CSE1L: variants seen among roughly 807,000 people sequenced by gnomAD.
The protein encoded by CSE1L is chromosome segregation 1 like, also known as exportin-2.
In CSE1L, 24 loss-of-function variants were observed where a neutral mutation model predicts 120.4. The observed-to-expected ratio is 0.20, with a 90% CI of 0.14 to 0.28. CSE1L has a LOEUF of 0.28. Among genes scored for constraint, CSE1L ranks in the 10% least tolerant of loss-of-function variants. The pLI is 1.00. For missense variants in CSE1L, 830 were observed against 1,145.2 expected, an observed-to-expected ratio of 0.72 and a Z score of 3.97; for synonymous variants, 402 against 398.3, an observed-to-expected ratio of 1.01 and a Z score of -0.11.
chr20:49,071,871 G>T (rs545629925), intron 8 of CSE1L, among the ~76,000 whole-genome samples: 19 of 151,988 alleles, frequency 1.3e-4, no homozygotes, highest in African/African-American at 4.6e-4. Context: ...GGGAGGCTGA[G>T]GCAGGAGAAT....
chr20:49,084,760 T>C (rs532880135), intron 15 of CSE1L, among the ~76,000 whole-genome samples: 132 of 152,312 alleles, frequency 8.7e-4, no homozygotes, highest in Non-Finnish European at 1.2e-3. Context: ...AACAGTATTA[T>C]TTCTTGAAAT....
intron 1 of CSE1L, among the ~76,000 whole-genome samples, chr20:49,056,250 T>C (rs772764908): frequency 6.6e-6 from 1 of 151,990 alleles, no homozygotes; most frequent in South Asian, 2.1e-4. Context: ...GGATTACAGG[T>C]GCATGCCACC....
chr20:49,060,153 C>G (rs2091840361), intron 2 of CSE1L, among the ~76,000 whole-genome samples: 1 of 147,650 alleles, frequency 6.8e-6, no homozygotes, highest in African/African-American at 2.5e-5. Flanking sequence ...TCAGTGCACT[C>G]TAGCCTGGGT....
intron 12 of CSE1L, among the ~76,000 whole-genome samples, chr20:49,076,508 G>A (rs2123719855): frequency 7.5e-6 from 1 of 132,702 alleles, no homozygotes; most frequent in African/African-American, 2.8e-5. Flanking sequence ...GTTTTGAAGT[G>A]TCCCTCTCTC....
At chr20:49,066,861 T>C (rs915774241) in intron 5 of CSE1L, among the ~76,000 whole-genome samples, 2 of 151,512 alleles carry the variant, frequency 1.3e-5, no homozygotes, top group Non-Finnish European at 2.9e-5. Context: ...AAACCCCGTC[T>C]CTACTAAAAA....
chr20:49,075,373 T>G lies in CSE1L; in HGVS notation c.1188T>G (p.Phe396Leu). ...ATCTGGTACGAGGATTATGCAAGTT[T>G]TTTGAGGGACCTGTGACAGGAATCT... ...ACDLVRGLCK[F>L]FEGPVTGIFS... The change falls in exon 12 of 25, where the codon TTT becomes TTG. Residue 396 changes from phenylalanine to leucine, a missense_variant. Around this residue, in one of 4 missense-constraint regions of CSE1L, gnomAD observed 543 missense variants for 640.2 expected, o/e 0.85. Coordinates refer to ENST00000262982, the MANE Select transcript of CSE1L (RefSeq NM_001316.4). 1 of 1,614,148 alleles carries G rather than the reference T, an allele frequency of 6.2e-7. No homozygotes were observed. The highest frequency in any genetic ancestry group is 8.5e-7 in the Non-Finnish European group (1 of 1,180,016).
intron 1 of CSE1L, among the ~76,000 whole-genome samples, chr20:49,057,846 G>A (rs2123665818): frequency 6.6e-6 from 1 of 152,184 alleles, no homozygotes; most frequent in South Asian, 2.1e-4. Flanking sequence ...TGACCAGGCT[G>A]GTCTCAAATT....
chr20:49,089,324 C>T lies in CSE1L; in HGVS notation c.1899C>T (p.Asn633=), dbSNP rs748614185. 26 of 1,613,194 alleles carry T rather than the reference C, an allele frequency of 1.6e-5. No homozygotes were observed. Among genetic ancestry groups the T allele is most frequent in the Non-Finnish European group, 2.0e-5 (24 of 1,179,766 alleles). ...CLSIRITCKA[N]PAAVVNFEEA... is the part of the protein sequence containing the mutation. ...CCATAAGAATAACTTGCAAAGCTAA[C>T]CCTGCTGCTGTTGTAAATTTTGAGG... Residue 633 remains asparagine (N), a synonymous_variant, in exon 18 of 25, where the codon AAC becomes AAT. Transcript: ENST00000262982.
At chr20:49,050,543 C>G (rs1012953082) in intron 1 of CSE1L, among the ~76,000 whole-genome samples, 5 of 151,532 alleles carry the variant, frequency 3.3e-5, no homozygotes, top group Admixed American at 3.3e-4. Flanking sequence ...GCTGGGATTA[C>G]AGGCGCATGC....
At chr20:49,079,951 A>G (rs1600619900) in intron 14 of CSE1L, among the ~76,000 whole-genome samples, 1 of 152,124 alleles carries the variant, frequency 6.6e-6, no homozygotes, top group Non-Finnish European at 1.5e-5. Flanking sequence ...GCACATGCCT[A>G]TAATCCCATC....
At position 49,075,557 on chromosome 20, in the gene CSE1L, A is replaced by G. The variant is rs112586226; in HGVS notation, c.1335+37A>G. On this transcript the variant is annotated intron_variant, in intron 12 of 24. Transcript: ENST00000262982. ...TAATGTGGTTTTGTTTCTAAAACAG[A>G]CATCAGTGACACCCACACAAGTCAA... 1.2e-5 allele frequency: 19 copies of G among 1,521,050 alleles called. No individual in the cohort carries two copies. In the African/African-American group the frequency reaches 1.4e-4, roughly 11 times the overall value. The allele number at this position is 1,521,050 out of a possible 1,614,324, so 94.2% of individuals were successfully genotyped here.
intron 14 of CSE1L, among the ~76,000 whole-genome samples, chr20:49,080,633 C>T (rs539081961): frequency 1.2e-4 from 18 of 151,864 alleles, no homozygotes; most frequent in Non-Finnish European, 2.2e-4. Context: ...TCCACCACCA[C>T]GCCTGGCTAA....
intron 1 of CSE1L, among the ~76,000 whole-genome samples, chr20:49,055,385 A>G (rs147265062): frequency 6.6e-6 from 1 of 152,330 alleles, no homozygotes; most frequent in East Asian, 1.9e-4. Context: ...AGCTCCTTCT[A>G]GGACAGGAAC....
In CSE1L at chr20:49,078,645, C is replaced by A. The variant is rs1253429501; in HGVS notation, c.1482+23C>A. On this transcript the variant is annotated intron_variant, in intron 14 of 24. Coordinates refer to ENST00000262982, the MANE Select transcript of CSE1L (RefSeq NM_001316.4). Reference sequence around the variant, plus strand: ...CAAGTAAGTAGCTTTTTATTTGTTACACGCCACTTAATCTCTTTAAGAGTT... The same window carrying A: ...CAAGTAAGTAGCTTTTTATTTGTTAAACGCCACTTAATCTCTTTAAGAGTT... The A allele has an allele frequency of 4.7e-6, 7 of 1,476,572 alleles. No individual in the cohort carries two copies. In the African/African-American group the frequency reaches 5.7e-5, roughly 12 times the overall value. 91.5% of individuals were successfully genotyped at this position (1,476,572 alleles called of 1,614,324 possible). A position where few individuals can be genotyped will look rare whatever the true frequency, so the allele number is the denominator to read the frequency against.
rs535240845 is a variant in CSE1L, at chr20:49,086,096, G to A, written c.1723+710G>A. Among the ~76,000 whole-genome samples, 8 of 152,188 alleles carry A rather than the reference G, an allele frequency of 5.3e-5. 1 individual carries two copies. Among genetic ancestry groups the A allele is most frequent in the African/African-American group, 1.7e-4 (7 of 41,526 alleles). ...AGGCAGCTGTATCCATCCACAGGCTGGTGTATCCATCCACCAGGCACTACA... is the reference window on the plus strand; with the variant it reads ...AGGCAGCTGTATCCATCCACAGGCTAGTGTATCCATCCACCAGGCACTACA... On this transcript the variant is annotated intron_variant, in intron 16 of 24. Coordinates refer to ENST00000262982, the MANE Select transcript of CSE1L (RefSeq NM_001316.4).
At chr20:49,070,776 TAAAAA>T (rs1158769799) in intron 8 of CSE1L, among the ~76,000 whole-genome samples, 1 of 151,884 alleles carries the variant, frequency 6.6e-6, no homozygotes, top group Non-Finnish European at 1.5e-5. Context: ...CTACAAAAAA[TAAAAA>T]TAAAATTAGC....
intron 21 of CSE1L, among the ~76,000 whole-genome samples, chr20:49,091,505 G>A (rs1568788422): frequency 1.3e-5 from 2 of 149,396 alleles, no homozygotes; most frequent in East Asian, 4.0e-4. Flanking sequence ...AGGTGAAAGT[G>A]GGAGTATTCC....
intron 23 of CSE1L, 30 bp from the exon 24 acceptor site, chr20:49,094,702 C>CT (rs2092126321): frequency 6.6e-7 from 1 of 1,504,460 alleles, no homozygotes; most frequent in South Asian, 1.1e-5. Flanking sequence ...TTTTCTTGAC[C>CT]TTTTTATCTC....
At chr20:49,067,776 C>G (rs1600603370) in intron 6 of CSE1L, among the ~76,000 whole-genome samples, 1 of 151,746 alleles carries the variant, frequency 6.6e-6, no homozygotes, top group South Asian at 2.1e-4. Context: ...TCTCATTGCC[C>G]AGGCTGGAGT....
Sources: gnomAD v4.1 joint callset for allele counts (sites outside exome capture counted in the v4.1 genomes callset) on GRCh38, gnomAD v4.1.1 for gene constraint, gnomAD v4.1.1 regional missense constraint, MANE v1.5 for transcripts, NCBI Gene and HGNC (gene_info 2026-07-23, HGNC 2026-07-21) for gene names.